Variants in USH2A observed in about 807,000 individuals in gnomAD.
The protein encoded by USH2A is Usher syndrome 2A (autosomal recessive, mild).
Under a neutral mutation model 538.9 loss-of-function variants are expected in USH2A, and 443 were observed. The observed-to-expected ratio is 0.82, with a 90% confidence interval of 0.76 to 0.89. The LOEUF is 0.89. Among genes scored for constraint, USH2A ranks in the 40% least tolerant of loss-of-function variants. The pLI, the probability that USH2A is intolerant of heterozygous loss-of-function variation, is 0.00. For synonymous variants in USH2A, 2,413 were observed against 2,273.5 expected (o/e 1.06, Z -1.75); for missense variants, 6,633 against 6,324.8 (o/e 1.05, Z -1.65).
chr1:215,669,620 C>G (rs1281487351), intron 64 of USH2A, among the ~76,000 whole-genome samples: 1 of 152,070 alleles, frequency 6.6e-6, no homozygotes, highest in African/African-American at 2.4e-5. Flanking sequence ...AGTCTCAAGT[C>G]TGTTTAGATT....
chr1:216,411,212 T>C (rs2039484296), intron 3 of USH2A, among the ~76,000 whole-genome samples: 1 of 152,182 alleles, frequency 6.6e-6, no homozygotes, highest in African/African-American at 2.4e-5. Context: ...TTTTAGTCTA[T>C]GTAACATATT....
chr1:216,146,714 C>T (rs1034232589), intron 21 of USH2A, among the ~76,000 whole-genome samples: 2 of 152,064 alleles, frequency 1.3e-5, no homozygotes, highest in Non-Finnish European at 2.9e-5. Context: ...GTCCCAACCC[C>T]CTCTCTGCTT....
At chr1:216,119,907 C>T (rs2033092132) in intron 21 of USH2A, among the ~76,000 whole-genome samples, 3 of 152,068 alleles carry the variant, frequency 2.0e-5, no homozygotes, top group Admixed American at 2.0e-4. Context: ...TGGTTATTTC[C>T]AAGTGCACAG....
At chr1:216,031,904 G>C (rs1351591280) in intron 32 of USH2A, among the ~76,000 whole-genome samples, 6 of 152,132 alleles carry the variant, frequency 3.9e-5, no homozygotes. Flanking sequence ...CTGTTCCTCA[G>C]TTCTTAAACT....
intron 41 of USH2A, among the ~76,000 whole-genome samples, chr1:215,885,014 GT>G (rs201724439): frequency 3.5e-4 from 53 of 149,368 alleles, no homozygotes; most frequent in Middle Eastern, 3.5e-3. Context: ...CATAAAAGAA[GT>G]TTTTTTTTTC....
intron 32 of USH2A, among the ~76,000 whole-genome samples, chr1:216,025,788 G>C (rs1299268754): frequency 6.6e-6 from 1 of 151,974 alleles, no homozygotes; most frequent in Non-Finnish European, 1.5e-5. Context: ...TATCTATATA[G>C]TCTTTTCCAC....
chr1:216,231,310 G>C (rs1274486827), intron 14 of USH2A, among the ~76,000 whole-genome samples: 3 of 92,936 alleles, frequency 3.2e-5, no homozygotes, highest in African/African-American at 1.3e-4. Flanking sequence ...GAGAGAGAGA[G>C]AGAGAGAAAG....
intron 64 of USH2A, among the ~76,000 whole-genome samples, chr1:215,666,478 T>C (rs1309564347): frequency 6.6e-6 from 1 of 152,152 alleles, no homozygotes. Flanking sequence ...GCTTCACTTA[T>C]TTGGGCTGTT....
intron 44 of USH2A, among the ~76,000 whole-genome samples, chr1:215,847,456 G>A (rs1449747803): frequency 6.6e-6 from 1 of 151,852 alleles, no homozygotes; most frequent in African/African-American, 2.4e-5. Flanking sequence ...ACCAGCCTGG[G>A]AAACGTGGCA....
At chr1:215,673,493 G>A (rs909782920) in intron 63 of USH2A, among the ~76,000 whole-genome samples, 9 of 152,174 alleles carry the variant, frequency 5.9e-5, no homozygotes, top group Admixed American at 5.9e-4. Flanking sequence ...TTTGTGTGGA[G>A]AACAACGCAC....
chr1:216,011,042 C>T (rs1476208478), intron 32 of USH2A, among the ~76,000 whole-genome samples: 1 of 152,110 alleles, frequency 6.6e-6, no homozygotes, highest in Non-Finnish European at 1.5e-5. Flanking sequence ...CACCCGCCTG[C>T]TACAGCATGG....
rs1269357477 is a variant in USH2A at position 216,416,536 on chromosome 1, T to C, written c.651+1978A>G. On this transcript the variant is annotated intron_variant, in intron 3 of 71. Coordinates refer to ENST00000307340, the MANE Select transcript of USH2A (RefSeq NM_206933.4). The stretch of plus-strand genomic sequence containing the variant: ...ACAGTTATGAAATAAAGCAGTCTCA[T>C]TAAATCATAAGTACTTTAACCTTTT... Among the ~76,000 whole-genome samples the C allele has an allele frequency of 4.6e-5, 7 of 152,296 alleles. No homozygotes were observed. The East Asian group carries it at 7.7e-4, about 17-fold the overall frequency.
intron 55 of USH2A, among the ~76,000 whole-genome samples, chr1:215,776,982 C>T (rs184116741): frequency 5.7e-4 from 87 of 152,206 alleles, no homozygotes; most frequent in Admixed American, 1.8e-3. Context: ...TACAAAGAAA[C>T]CCCTCTTTAG....
At chr1:215,770,349 T>G (rs1030028991) in intron 55 of USH2A, among the ~76,000 whole-genome samples, 1 of 152,180 alleles carries the variant, frequency 6.6e-6, no homozygotes, top group Non-Finnish European at 1.5e-5. Flanking sequence ...GCAGCTGCTC[T>G]TTATTAAAAT....
intron 32 of USH2A, among the ~76,000 whole-genome samples, chr1:216,043,495 C>A (rs1245636793): frequency 6.6e-6 from 1 of 151,966 alleles, no homozygotes; most frequent in Non-Finnish European, 1.5e-5. Context: ...GATAGAAAAC[C>A]ATTGAAGAAT....
intron 61 of USH2A, among the ~76,000 whole-genome samples, chr1:215,708,641 C>T (rs919631946): frequency 9.9e-5 from 15 of 152,054 alleles, no homozygotes; most frequent in African/African-American, 3.4e-4. Context: ...CCCTTGCGTG[C>T]GCAGTTCATA....
chr1:215,890,831 A>T (rs1338390170), intron 40 of USH2A, among the ~76,000 whole-genome samples: 1 of 152,132 alleles, frequency 6.6e-6, no homozygotes, highest in Non-Finnish European at 1.5e-5. Flanking sequence ...ATCTAAAAAA[A>T]CCCCCAAATC....
chr1:216,152,305 G>A (rs2033853324), intron 21 of USH2A, among the ~76,000 whole-genome samples: 1 of 152,204 alleles, frequency 6.6e-6, no homozygotes, highest in South Asian at 2.1e-4. Flanking sequence ...CAAAAGAAGT[G>A]AATATGTCCT....
rs533173634 is a variant in USH2A at position 216,409,307 on chromosome 1, C to G, written c.651+9207G>C. ...AATATCGTTAAAATGGCCATATTGC[C>G]CAAAGCAATTTACAGATTCAGTGCT... On this transcript the variant is annotated intron_variant, in intron 3 of 71. Transcript: ENST00000307340. Among the ~76,000 whole-genome samples the G allele has an allele frequency of 6.9e-4, 105 of 152,134 alleles. 1 individual carries two copies. The highest frequency in any genetic ancestry group is 2.4e-3 in the African/African-American group (99 of 41,502).
Sources: allele counts gnomAD v4.1 joint callset (sites outside exome capture counted in the v4.1 genomes callset), GRCh38; gene constraint gnomAD v4.1.1; transcripts MANE v1.5; gene names NCBI Gene and HGNC (gene_info 2026-07-23, HGNC 2026-07-21).